The following DSCAM variants were observed in gnomAD, a reference collection of about 807,000 sequenced individuals.
DSCAM encodes the protein cell adhesion molecule DSCAM.
Under a neutral mutation model 217.7 loss-of-function variants are expected in DSCAM, and 47 were observed. The observed-to-expected ratio is 0.22, with a 90% CI of 0.17 to 0.28. The LOEUF (loss-of-function observed/expected upper bound fraction) is 0.28, where lower values mean the gene tolerates loss of function less well. Among genes scored for constraint, DSCAM ranks in the 10% least tolerant of loss-of-function variants. DSCAM has a pLI of 1.00. For synonymous variants in DSCAM, 1,056 were observed against 1,015.3 expected, an observed-to-expected ratio of 1.04 and a Z score of -0.76; for missense variants, 2,080 against 2,618.3, an observed-to-expected ratio of 0.79 and a Z score of 4.49.
At chr21:40,755,773 T>TA (rs1200981663) in intron 1 of DSCAM, among the ~76,000 whole-genome samples, 26 of 152,314 alleles carry the variant, frequency 1.7e-4, no homozygotes, top group Non-Finnish European at 1.3e-4. Context: ...TGAAATGAGA[T>TA]ATTCATATAG....
At chr21:40,401,270 C>G (rs560271400) in intron 3 of DSCAM, among the ~76,000 whole-genome samples, 5 of 152,272 alleles carry the variant, frequency 3.3e-5, no homozygotes, top group African/African-American at 9.6e-5. Context: ...TCAAAATAAC[C>G]ACACTTTATG....
intron 3 of DSCAM, among the ~76,000 whole-genome samples, chr21:40,677,985 A>G (rs187801606): frequency 1.4e-4 from 22 of 151,730 alleles, no homozygotes; most frequent in African/African-American, 5.1e-4. Context: ...TTTATATATA[A>G]TACTTTTTTT....
chr21:40,727,333 G>A (rs763573329), intron 1 of DSCAM, among the ~76,000 whole-genome samples: 2 of 152,168 alleles, frequency 1.3e-5, no homozygotes, highest in Non-Finnish European at 2.9e-5. Context: ...AAAACTTCAA[G>A]AAGTTTTCTT....
chr21:40,579,681 G>A (rs938534952), intron 3 of DSCAM, among the ~76,000 whole-genome samples: 10 of 152,280 alleles, frequency 6.6e-5, no homozygotes, highest in African/African-American at 2.2e-4. Context: ...TAAGATCGTC[G>A]CTAGAAAATC....
intron 3 of DSCAM, among the ~76,000 whole-genome samples, chr21:40,684,398 T>C (rs948835811): frequency 4.6e-5 from 7 of 151,908 alleles, no homozygotes; most frequent in Non-Finnish European, 1.0e-4. Flanking sequence ...TGCTGGATGG[T>C]TTACTCCATC....
chr21:40,292,808 T>A (rs992947646), intron 10 of DSCAM, among the ~76,000 whole-genome samples: 3 of 152,060 alleles, frequency 2.0e-5, no homozygotes, highest in African/African-American at 7.2e-5. Context: ...AGTGGCGTGA[T>A]CTCAGCTCAC....
At chr21:40,758,695 G>A (rs1411427789) in intron 1 of DSCAM, among the ~76,000 whole-genome samples, 1 of 151,936 alleles carries the variant, frequency 6.6e-6, no homozygotes, top group Non-Finnish European at 1.5e-5. Flanking sequence ...TTGCTTAGGC[G>A]AGGATGAGGG....
intron 7 of DSCAM, among the ~76,000 whole-genome samples, chr21:40,338,749 G>A (rs2074455325): frequency 6.6e-6 from 1 of 152,142 alleles, no homozygotes; most frequent in African/African-American, 2.4e-5. Flanking sequence ...AATCTAGGAC[G>A]ACAATGGAGG....
intron 1 of DSCAM, among the ~76,000 whole-genome samples, chr21:40,803,409 A>G (rs1049909909): frequency 7.9e-5 from 12 of 152,178 alleles, no homozygotes; most frequent in African/African-American, 2.9e-4. Flanking sequence ...AAGGACCACT[A>G]AAGCCACCTA....
intron 3 of DSCAM, among the ~76,000 whole-genome samples, chr21:40,536,138 G>C (rs2076494289): frequency 6.6e-6 from 1 of 152,162 alleles, no homozygotes; most frequent in Non-Finnish European, 1.5e-5. Context: ...GAAAAACAAT[G>C]AAAGTGGGCA....
chr21:40,017,546 C>A (rs954147647), intron 32 of DSCAM, among the ~76,000 whole-genome samples: 2 of 146,472 alleles, frequency 1.4e-5, no homozygotes, highest in Non-Finnish European at 3.0e-5. Flanking sequence ...AATACCTAGA[C>A]AATAAATGGG....
At chr21:40,399,301 CA>C (rs199877929) in intron 3 of DSCAM, among the ~76,000 whole-genome samples, 1,795 of 140,934 alleles carry the variant, frequency 0.013, 15 homozygotes, top group Middle Eastern at 0.071. Context: ...CAAAACAAAA[CA>C]AAACAAAACA....
At chr21:40,501,779 A>G (rs1265850249) in intron 3 of DSCAM, among the ~76,000 whole-genome samples, 1 of 152,160 alleles carries the variant, frequency 6.6e-6, no homozygotes, top group African/African-American at 2.4e-5. Context: ...TTTAGTAGAG[A>G]CAGGGTTTCA....
At chr21:40,574,490 T>G (rs912944494) in intron 3 of DSCAM, among the ~76,000 whole-genome samples, 5 of 152,210 alleles carry the variant, frequency 3.3e-5, no homozygotes, top group African/African-American at 1.2e-4. Flanking sequence ...AAAGGGCATT[T>G]ACAGAAGATA....
In DSCAM at chr21:40,044,065, C is replaced by T. The variant is rs370822749; in HGVS notation, c.5383+13G>A. 48 of 1,612,680 alleles carry T rather than the reference C, an allele frequency of 3.0e-5. No homozygotes were observed. The highest frequency in any genetic ancestry group is 3.5e-5 in the Non-Finnish European group (41 of 1,179,960). On this transcript the variant is annotated intron_variant, in intron 31 of 32. Transcript: ENST00000400454. ...TGGTCCCCAGGGACGGAGGAGGCAGCGTCAGGGCCTACCTGTGTCTTGCGA... is the reference window on the plus strand; with the variant it reads ...TGGTCCCCAGGGACGGAGGAGGCAGTGTCAGGGCCTACCTGTGTCTTGCGA...
Position 40,568,193 on chromosome 21 carries a change from T to A in DSCAM, c.508+124617A>T, listed in dbSNP as rs534193685. Among the ~76,000 whole-genome samples the A allele has an allele frequency of 5.9e-5, 9 of 152,348 alleles. No individual in the cohort carries two copies. The South Asian group carries it at 1.2e-3, about 21-fold the overall frequency. On this transcript the variant is annotated intron_variant, in intron 3 of 32. Coordinates refer to ENST00000400454, the MANE Select transcript of DSCAM (RefSeq NM_001389.5). ...AAATTCTTTTCTAAGTCACAACATC[T>A]TATCTAAATTTTATACCATTCTGAC...
intron 3 of DSCAM, among the ~76,000 whole-genome samples, chr21:40,664,054 C>T (rs188450459): frequency 1.5e-3 from 235 of 152,320 alleles, no homozygotes; most frequent in African/African-American, 5.4e-3. Flanking sequence ...AGTCGAGCTA[C>T]AACATATGCA....
At chr21:40,192,994 C>G (rs1423735288) in intron 11 of DSCAM, among the ~76,000 whole-genome samples, 1 of 152,180 alleles carries the variant, frequency 6.6e-6, no homozygotes, top group Non-Finnish European at 1.5e-5. Context: ...TTTTGAGAAA[C>G]TGCCACACTG....
At chr21:40,415,762 G>GGGTCTTCTCATCCTTATA (rs2123804770) in intron 3 of DSCAM, among the ~76,000 whole-genome samples, 1 of 152,058 alleles carries the variant, frequency 6.6e-6, no homozygotes, top group African/African-American at 2.4e-5. Flanking sequence ...GACCCTCTTC[G>GGGTCTTCTCATCCTTATA]AGGGTCTTCT....
Sources: gnomAD v4.1 joint callset for allele counts (sites outside exome capture counted in the v4.1 genomes callset) on GRCh38, gnomAD v4.1.1 for gene constraint, MANE v1.5 for transcripts, NCBI Gene and HGNC (gene_info 2026-07-23, HGNC 2026-07-21) for gene names.